Variants in ROBO2 observed in about 807,000 individuals in gnomAD.
ROBO2 encodes the protein roundabout guidance receptor 2.
Under a neutral mutation model 160.8 loss-of-function variants are expected in ROBO2, and 53 were observed. That is an observed-to-expected ratio of 0.33 (90% CI 0.26 to 0.41). ROBO2 has a LOEUF of 0.41. Ranked by LOEUF, ROBO2 falls within the 10% of genes least tolerant of loss-of-function variation. ROBO2 has a pLI of 1.00. For synonymous variants in ROBO2, 664 were observed against 611.7 expected (o/e 1.09, Z -1.26); for missense variants, 1,577 against 1,722.4 (o/e 0.92, Z 1.49).
At chr3:76,946,548 T>C (rs1320218291) in intron 2 of ROBO2, among the ~76,000 whole-genome samples, 2 of 151,992 alleles carry the variant, frequency 1.3e-5, no homozygotes, top group Non-Finnish European at 2.9e-5. Flanking sequence ...AGTGATTCTC[T>C]AGTCTCAGCC....
At chr3:76,665,906 A>ATATAAT (rs2092004814) in intron 2 of ROBO2, among the ~76,000 whole-genome samples, 1 of 63,228 alleles carries the variant, frequency 1.6e-5, no homozygotes, top group Non-Finnish European at 4.0e-5. Flanking sequence ...TATTATATAT[A>ATATAAT]ATATACACAT....
chr3:77,313,274 G>C (rs1162973742), intron 2 of ROBO2, among the ~76,000 whole-genome samples: 6 of 152,006 alleles, frequency 3.9e-5, no homozygotes, highest in Non-Finnish European at 8.8e-5. Flanking sequence ...ATATTTGTGA[G>C]GTATATAATG....
intron 2 of ROBO2, among the ~76,000 whole-genome samples, chr3:76,887,019 T>C (rs1247216984): frequency 6.6e-6 from 1 of 152,186 alleles, no homozygotes; most frequent in Non-Finnish European, 1.5e-5. Context: ...TCTAAAGGTG[T>C]TCTAAGGTAT....
chr3:77,007,241 C>T (rs1238433829), intron 2 of ROBO2, among the ~76,000 whole-genome samples: 2 of 152,094 alleles, frequency 1.3e-5, no homozygotes, highest in African/African-American at 2.4e-5. Context: ...TTTATGTAAT[C>T]ATCTTAATGC....
At chr3:76,880,757 G>A (rs905335435) in intron 2 of ROBO2, among the ~76,000 whole-genome samples, 17 of 152,040 alleles carry the variant, frequency 1.1e-4, no homozygotes, top group African/African-American at 3.6e-4. Context: ...TCTTGATAAC[G>A]CTAGATGAAA....
At chr3:77,533,336 T>C (rs6770685) in intron 6 of ROBO2, among the ~76,000 whole-genome samples, 2,308 of 152,198 alleles carry the variant, frequency 0.015, 66 homozygotes, top group African/African-American at 0.053. Flanking sequence ...TGCATAAAAA[T>C]GACCACACAA....
chr3:77,234,449 G>A (rs1263219437), intron 2 of ROBO2, among the ~76,000 whole-genome samples: 1 of 152,122 alleles, frequency 6.6e-6, no homozygotes. Flanking sequence ...TTACACCACA[G>A]TCGTTTAATG....
intron 2 of ROBO2, among the ~76,000 whole-genome samples, chr3:77,250,283 T>A (rs4072806): frequency 6.6e-6 from 1 of 151,970 alleles, no homozygotes; most frequent in South Asian, 2.1e-4. Context: ...GGCTACCTGG[T>A]AAGATCATTT....
intron 2 of ROBO2, among the ~76,000 whole-genome samples, chr3:75,946,061 G>A (rs1191185497): frequency 6.6e-6 from 1 of 152,012 alleles, no homozygotes; most frequent in Non-Finnish European, 1.5e-5. Context: ...TTGTCTTCTT[G>A]GAAAGACGGT....
intron 23 of ROBO2, among the ~76,000 whole-genome samples, chr3:77,626,692 AG>A (rs2095034822): frequency 6.6e-6 from 1 of 152,218 alleles, no homozygotes; most frequent in African/African-American, 2.4e-5. Context: ...GAGAGAGTGC[AG>A]GGGGAAAATG....
At chr3:76,719,120 G>C (rs943739130) in intron 2 of ROBO2, among the ~76,000 whole-genome samples, 1 of 152,058 alleles carries the variant, frequency 6.6e-6, no homozygotes, top group African/African-American at 2.4e-5. Flanking sequence ...GAAAATTGAA[G>C]AAGGTTTATT....
chr3:75,932,242 TA>T (rs1947576123), intron 1 of ROBO2, among the ~76,000 whole-genome samples: 1 of 152,170 alleles, frequency 6.6e-6, no homozygotes, highest in African/African-American at 2.4e-5. Flanking sequence ...AGATTACTAC[TA>T]AATCTGAGGA....
At chr3:76,395,636 G>T (rs952877035) in intron 2 of ROBO2, among the ~76,000 whole-genome samples, 8 of 151,884 alleles carry the variant, frequency 5.3e-5, no homozygotes, top group African/African-American at 1.9e-4. Flanking sequence ...ATGACAAAGG[G>T]GATATCACAA....
chr3:77,564,291 C>T (rs1026213837), intron 11 of ROBO2, among the ~76,000 whole-genome samples: 7 of 152,072 alleles, frequency 4.6e-5, no homozygotes, highest in Admixed American at 1.3e-4. Context: ...TCTAAAATGG[C>T]ATCCATCTGT....
At chr3:77,179,458 G>T (rs755588331) in intron 2 of ROBO2, among the ~76,000 whole-genome samples, 4 of 150,580 alleles carry the variant, frequency 2.7e-5, no homozygotes, top group Admixed American at 6.6e-5. Flanking sequence ...CAAGAATTTT[G>T]TTTTGAAAAA....
At chr3:76,711,216 CTT>C (rs2093286242) in intron 2 of ROBO2, among the ~76,000 whole-genome samples, 1 of 152,154 alleles carries the variant, frequency 6.6e-6, no homozygotes, top group Non-Finnish European at 1.5e-5. Flanking sequence ...TCTCAGGAAA[CTT>C]ATAACCATTG....
rs187848030 is a variant in ROBO2 at position 77,475,519 on chromosome 3, A to G, written c.389-1895A>G. On this transcript the variant is annotated intron_variant, in intron 2 of 25. Transcript: ENST00000461745. ...ACTACTTGTGCTTAGGCTTTTTGGC[A>G]TACCATTTTTTAGGAGAGCAGATCT... Among the ~76,000 whole-genome samples, 405 of 152,246 alleles carry G rather than the reference A, an allele frequency of 2.7e-3. 2 individuals are homozygous for G. The highest frequency in any genetic ancestry group is 9.3e-3 in the African/African-American group (385 of 41,530).
intron 2 of ROBO2, among the ~76,000 whole-genome samples, chr3:76,612,149 TG>T (rs1400543587): frequency 6.6e-6 from 1 of 152,220 alleles, no homozygotes; most frequent in African/African-American, 2.4e-5. Flanking sequence ...TTTTGAATTT[TG>T]TAAGACATGT....
intron 2 of ROBO2, among the ~76,000 whole-genome samples, chr3:77,418,381 T>C (rs977227006): frequency 9.9e-5 from 15 of 152,180 alleles, no homozygotes; most frequent in Non-Finnish European, 2.2e-4. Context: ...TTATTGCGGT[T>C]ATAAATGGTA....
Sources: allele counts gnomAD v4.1 joint callset (sites outside exome capture counted in the v4.1 genomes callset), GRCh38; gene constraint gnomAD v4.1.1; transcripts MANE v1.5; gene names NCBI Gene and HGNC (gene_info 2026-07-23, HGNC 2026-07-21).